ERAP1: variants seen among roughly 807,000 people sequenced by gnomAD.
The protein encoded by ERAP1 is adipocyte-derived leucine aminopeptidase.
A neutral mutation model predicts 103.7 loss-of-function variants in ERAP1; 86 were observed. That is an observed-to-expected ratio of 0.83 (90% CI 0.70 to 0.99). The LOEUF is 0.99. Ranked by LOEUF, ERAP1 falls within the 50% of genes least tolerant of loss-of-function variation. The pLI, the probability that ERAP1 is intolerant of heterozygous loss-of-function variation, is 0.00. For synonymous variants in ERAP1, 398 were observed against 402.4 expected (o/e 0.99, Z 0.13); for missense variants, 1,009 against 1,128.4 (o/e 0.89, Z 1.52).
the ERAP1 span, among the ~76,000 whole-genome samples, chr5:96,823,796 T>A: frequency 6.6e-6 from 1 of 152,218 alleles, no homozygotes; most frequent in Non-Finnish European, 1.5e-5. Context: ...CCCTCCTTAT[T>A]AAGTCAAGAA....
chr5:96,818,810 G>C, the ERAP1 span, among the ~76,000 whole-genome samples: 3 of 152,092 alleles, frequency 2.0e-5, no homozygotes, highest in East Asian at 3.8e-4. Context: ...AGTGTCTTTT[G>C]TGTTCCATGA....
the ERAP1 span, chr5:96,889,398 G>C: frequency 7.2e-7 from 1 of 1,381,732 alleles, no homozygotes; most frequent in East Asian, 2.3e-5. Context: ...ATTTAAATGA[G>C]CACTGAGGAA....
At chr5:96,926,067 C>A in the ERAP1 span, among the ~76,000 whole-genome samples, 1 of 151,950 alleles carries the variant, frequency 6.6e-6, no homozygotes, top group African/African-American at 2.4e-5. Context: ...CGTGCCACCA[C>A]GCCCGACTAA....
At chr5:96,915,684 T>G in the ERAP1 span, 3 of 1,510,204 alleles carry the variant, frequency 2.0e-6, no homozygotes, top group Non-Finnish European at 2.7e-6. Flanking sequence ...CTTTTTATTT[T>G]CAGATTTGAC....
the ERAP1 span, among the ~76,000 whole-genome samples, chr5:96,856,365 T>TAGAGAGAG: frequency 3.3e-3 from 68 of 20,352 alleles, 1 homozygote; most frequent in African/African-American, 9.4e-3. Context: ...TATATATATA[T>TAGAGAGAG]AGAGAGAGAG....
the ERAP1 span, among the ~76,000 whole-genome samples, chr5:96,930,173 C>G: frequency 1.3e-5 from 2 of 152,304 alleles, no homozygotes; most frequent in Admixed American, 1.3e-4. Context: ...AAAGATTCCA[C>G]CCCTAATATC....
chr5:96,874,094 G>T, the ERAP1 span, among the ~76,000 whole-genome samples: 1 of 91,666 alleles, frequency 1.1e-5, no homozygotes, highest in Admixed American at 1.3e-4. Context: ...AAAGAGAAGA[G>T]AAAAGAAAAA....
At chr5:96,904,023 C>T in the ERAP1 span, among the ~76,000 whole-genome samples, 1 of 152,188 alleles carries the variant, frequency 6.6e-6, no homozygotes, top group Non-Finnish European at 1.5e-5. Context: ...TTAGCTGCTA[C>T]ACCAAATACC....
chr5:96,789,969 A>G (rs111867065), intron 10 of ERAP1, among the ~76,000 whole-genome samples: 36 of 152,252 alleles, frequency 2.4e-4, no homozygotes, highest in Admixed American at 1.5e-3. Context: ...AGAGCTCTGT[A>G]AATGACTGAC....
chr5:96,917,522 G>C, the ERAP1 span: 1 of 1,613,878 alleles, frequency 6.2e-7, no homozygotes, highest in Non-Finnish European at 8.5e-7. Context: ...TTTTCAAACT[G>C]TTCTGGAAAC....
At chr5:96,877,695 A>G in the ERAP1 span, among the ~76,000 whole-genome samples, 1 of 151,990 alleles carries the variant, frequency 6.6e-6, no homozygotes, top group Admixed American at 6.6e-5. Context: ...GGGCACTCTG[A>G]TTCCAAAGCC....
chr5:96,849,707 T>A, the ERAP1 span, among the ~76,000 whole-genome samples: 1 of 152,150 alleles, frequency 6.6e-6, no homozygotes, highest in Non-Finnish European at 1.5e-5. Flanking sequence ...AGATTCAATG[T>A]AATCCCTATC....
At chr5:96,788,417 G>T in intron 11 of ERAP1, 114 bp downstream of exon 11, 1 of 1,270,538 alleles carries the variant, frequency 7.9e-7, no homozygotes, top group East Asian at 2.3e-5. Flanking sequence ...ATACACAGAT[G>T]CAGCTGAAAT....
rs750625401 is a variant in ERAP1 at position 96,790,539 on chromosome 5, G to GT, written c.1424dup (p.Asn475LysfsTer7). The GT allele has an allele frequency of 1.3e-5, 21 of 1,613,730 alleles. No individual in the cohort carries two copies. The highest frequency in any genetic ancestry group is 1.6e-5 in the Non-Finnish European group (19 of 1,179,852). ...TTGCCATACTATCCCACAGGTCCTC[G>GT]TTTTTTGTATTTTTATAGCTATGCT... On this transcript the variant is annotated frameshift_variant, in exon 9 of 19. Transcript: ENST00000443439. LOFTEE classifies it high-confidence loss of function.
intron 19 of ERAP1, among the ~76,000 whole-genome samples, chr5:96,767,684 CAG>C (rs1770486175): frequency 6.6e-6 from 1 of 152,022 alleles, no homozygotes; most frequent in South Asian, 2.1e-4. Context: ...AACTGAGGCT[CAG>C]AGAATGCTAA....
intron 4 of ERAP1, 59 bp from the exon 5 acceptor site, chr5:96,795,221 T>C: frequency 6.2e-7 from 1 of 1,602,252 alleles, no homozygotes; most frequent in South Asian, 1.1e-5. Context: ...CTCCCCACAT[T>C]GTGTAGAAGA....
intron 18 of ERAP1, among the ~76,000 whole-genome samples, chr5:96,778,614 G>A (rs1487039973): frequency 6.6e-6 from 1 of 152,152 alleles, no homozygotes; most frequent in Non-Finnish European, 1.5e-5. Context: ...ATGGGAAGGA[G>A]GGATTTGGAA....
In ERAP1 at chr5:96,774,810, A is replaced by G. The variant is rs1158414615; in HGVS notation, c.*1586T>C. On this transcript the variant is annotated 3_prime_UTR_variant, in exon 19 of 19. Coordinates refer to ENST00000443439, the MANE Select transcript of ERAP1 (RefSeq NM_001040458.3). The stretch of plus-strand genomic sequence containing the variant: ...GTATAAAAATTCCAATTCCACTTTT[A>G]TACCTATTTATTTGTTGTAGTGAAT... The G allele has an allele frequency of 2.0e-6, 2 of 984,742 alleles. No individual in the cohort carries two copies. Among genetic ancestry groups the G allele is most frequent in the Non-Finnish European group, 2.4e-6 (2 of 829,292 alleles). 61.0% of individuals were successfully genotyped at this position (984,742 alleles called of 1,614,324 possible).
rs1362951052 is a variant in ERAP1, at chr5:96,776,201, TG to T, written c.*194del. 8 of 1,513,750 alleles carry T rather than the reference TG, an allele frequency of 5.3e-6. No individual in the cohort carries two copies. Among genetic ancestry groups the T allele is most frequent in the Non-Finnish European group, 7.1e-6 (8 of 1,132,966 alleles). The allele number at this position is 1,513,750 out of a possible 1,614,324, so 93.8% of individuals were successfully genotyped here. A position where few individuals can be genotyped will look rare whatever the true frequency, so the allele number is the denominator to read the frequency against. On this transcript the variant is annotated 3_prime_UTR_variant, in exon 19 of 19. Transcript: ENST00000443439. Reference sequence around the variant, plus strand: ...TTACGTTGCAGGGCAACACCTGTGATGAACAAAACACATGGTAGCGATAGCC... The same window carrying T: ...TTACGTTGCAGGGCAACACCTGTGATAACAAAACACATGGTAGCGATAGCC...
Sources: allele counts gnomAD v4.1 joint callset (sites outside exome capture counted in the v4.1 genomes callset), GRCh38; gene constraint gnomAD v4.1.1; transcripts MANE v1.5; gene names NCBI Gene and HGNC (gene_info 2026-07-23, HGNC 2026-07-21).